Variants in RYR2 observed in about 807,000 individuals in gnomAD.
The protein encoded by RYR2 is ryanodine receptor 2, also known as cardiac muscle ryanodine receptor-calcium release channel.
In RYR2, 227 loss-of-function variants were observed where a neutral mutation model predicts 601.1. That is an observed-to-expected ratio of 0.38 (90% CI 0.34 to 0.42). The LOEUF is 0.42. RYR2 is among the 10% of genes least tolerant of loss of function. RYR2 has a pLI of 1.00. For missense variants in RYR2, 4,646 were observed against 6,156.5 expected (o/e 0.75, Z 8.21); for synonymous variants, 2,223 against 2,175.1 (o/e 1.02, Z -0.61).
At chr1:237,441,790 G>T (rs964574987) in intron 13 of RYR2, among the ~76,000 whole-genome samples, 1 of 151,988 alleles carries the variant, frequency 6.6e-6, no homozygotes, top group African/African-American at 2.4e-5. Flanking sequence ...GACAAAGTCC[G>T]TTACTGACAT....
chr1:237,560,854 A>T (rs1357660333), intron 27 of RYR2, among the ~76,000 whole-genome samples: 1 of 152,198 alleles, frequency 6.6e-6, no homozygotes, highest in Admixed American at 6.5e-5. Context: ...ACAGATAAAA[A>T]CATTGTGGAG....
intron 3 of RYR2, among the ~76,000 whole-genome samples, chr1:237,351,854 CAAAAAA>C (rs33955032): frequency 2.4e-5 from 1 of 40,930 alleles, no homozygotes; most frequent in Non-Finnish European, 4.7e-5. Context: ...AAAGACCATG[CAAAAAA>C]AAAAAAAAAA....
intron 63 of RYR2, 21 bp downstream of exon 63, chr1:237,687,525 A>G: frequency 6.3e-7 from 1 of 1,590,806 alleles, no homozygotes; most frequent in Non-Finnish European, 8.6e-7. Flanking sequence ...CCTTGAAAAA[A>G]TACAAGCATG....
chr1:237,718,564 ATTAG>A (rs1309378100), intron 73 of RYR2, 43 bp downstream of exon 73: 9 of 1,001,360 alleles, frequency 9.0e-6, no homozygotes, highest in Middle Eastern at 2.1e-4. Context: ...CTACCTATAC[ATTAG>A]TTAATCTCTC....
Position 237,792,122 on chromosome 1 carries a change from G to A in RYR2, c.13581G>A (p.Val4527=). The A allele has an allele frequency of 6.3e-7, 1 of 1,599,318 alleles. No homozygotes were observed. Among genetic ancestry groups the A allele is most frequent in the South Asian group, 1.1e-5 (1 of 88,376 alleles). The change falls in exon 94 of 105, where the codon GTG becomes GTA. Residue 4527 remains valine (V), a synonymous_variant. Coordinates refer to ENST00000366574, the MANE Select transcript of RYR2 (RefSeq NM_001035.3). ...TGAATCAGGTCTCCACTTCTTCTGT[G>A]GTTGAAGGAAAGGAGCTCCCCACGA... ...LLFYKVSTSS[V]VEGKELPTRS... is the part of the protein sequence containing the mutation.
intron 1 of RYR2, among the ~76,000 whole-genome samples, chr1:237,081,333 T>A (rs2148396261): frequency 6.9e-6 from 1 of 145,782 alleles, no homozygotes; most frequent in Middle Eastern, 3.7e-3. Context: ...AGCTACGGAC[T>A]CGATGTACCT....
intron 74 of RYR2, among the ~76,000 whole-genome samples, chr1:237,724,758 G>T (rs1180088716): frequency 5.9e-5 from 2 of 34,138 alleles, no homozygotes; most frequent in Non-Finnish European, 1.6e-4. Context: ...TAATTAAATG[G>T]CTACATTTCT....
At chr1:237,830,295 T>C (rs1663628450) in intron 102 of RYR2, 2 of 414,884 alleles carry the variant, frequency 4.8e-6, no homozygotes, top group East Asian at 9.3e-5. Context: ...ATCATCTTGT[T>C]CCCTGTCTGC....
Position 237,080,905 on chromosome 1 carries a change from A to G in RYR2, c.48+38336A>G, listed in dbSNP as rs1483150383. Among the ~76,000 whole-genome samples, 3 of 58,642 alleles carry G rather than the reference A, an allele frequency of 5.1e-5. No individual in the cohort carries two copies. In the Admixed American group the frequency reaches 6.0e-4, roughly 12 times the overall value. The allele number at this position is 58,642 out of a possible 152,430, so 38.5% of individuals were successfully genotyped here. ...CAAATGTCCAACAATGATAGACTGGATTAAGAAAATGTGGCACATATACAC... is the reference window on the plus strand; with the variant it reads ...CAAATGTCCAACAATGATAGACTGGGTTAAGAAAATGTGGCACATATACAC... On this transcript the variant is annotated intron_variant, in intron 1 of 104. Coordinates refer to ENST00000366574, the MANE Select transcript of RYR2 (RefSeq NM_001035.3).
chr1:237,048,002 G>C (rs1660796902), intron 1 of RYR2, among the ~76,000 whole-genome samples: 1 of 152,206 alleles, frequency 6.6e-6, no homozygotes, highest in South Asian at 2.1e-4. Context: ...ACCCACCGTA[G>C]ATTCGACAGC....
At chr1:237,643,267 G>A in intron 47 of RYR2, 60 bp from the exon 48 acceptor site, 2 of 1,587,580 alleles carry the variant, frequency 1.3e-6, no homozygotes, top group Admixed American at 1.7e-5. Context: ...AGATTTCCTA[G>A]ACAGAATTGT....
chr1:237,224,153 T>G (rs1403083914), intron 1 of RYR2, among the ~76,000 whole-genome samples: 2 of 152,186 alleles, frequency 1.3e-5, no homozygotes, highest in African/African-American at 4.8e-5. Context: ...ATACGTGGAA[T>G]TTTTTCAATG....
intron 36 of RYR2, 102 bp from the exon 37 acceptor site, chr1:237,613,936 CT>C (rs1237966227): frequency 9.0e-7 from 1 of 1,105,454 alleles, no homozygotes; most frequent in African/African-American, 1.6e-5. Context: ...ATTCCCATAA[CT>C]TTTTTCCTTC....
At chr1:237,567,603 AAATAAT>A (rs944302278) in intron 28 of RYR2, among the ~76,000 whole-genome samples, 1 of 152,008 alleles carries the variant, frequency 6.6e-6, no homozygotes, top group Non-Finnish European at 1.5e-5. Flanking sequence ...ACAAACAAAA[AAATAAT>A]AATAACAACA....
chr1:237,668,890 T>C (rs1429810651), intron 58 of RYR2, among the ~76,000 whole-genome samples: 1 of 152,136 alleles, frequency 6.6e-6, no homozygotes, highest in Non-Finnish European at 1.5e-5. Context: ...ATTTTTTTTA[T>C]TTTTTATTGA....
At position 237,698,985 on chromosome 1, in the gene RYR2, G is replaced by A; in HGVS notation, c.9088G>A (p.Val3030Ile). 1.9e-6 allele frequency: 3 copies of A among 1,556,628 alleles called. No homozygotes were observed. The highest frequency in any genetic ancestry group is 2.6e-6 in the Non-Finnish European group (3 of 1,146,120). The part of the protein sequence containing the change: ...SLFGNDATSI[V>I]NCLHILGQTL... ...TTTAGGCAATGATGCAACATCAATT[G>A]TCAACTGTCTTCATATTTTGGGTCA... The change falls in exon 64 of 105, where the codon GTC becomes ATC. Residue 3030 changes from valine (V) to isoleucine (I), a missense_variant. Transcript: ENST00000366574.
intron 96 of RYR2, among the ~76,000 whole-genome samples, chr1:237,795,836 G>GTGTATACATATATATA (rs371932356): frequency 1.5e-5 from 2 of 132,692 alleles, no homozygotes; most frequent in Non-Finnish European, 3.1e-5. Context: ...GTGTGTGTGT[G>GTGTATACATATATATA]TATATATATA....
chr1:237,364,934 A>G (rs972757584), intron 5 of RYR2, among the ~76,000 whole-genome samples: 112 of 152,334 alleles, frequency 7.4e-4, no homozygotes, highest in African/African-American at 2.5e-3. Flanking sequence ...TTCATTTCTC[A>G]ACTAAATTGG....
intron 1 of RYR2, among the ~76,000 whole-genome samples, chr1:237,174,097 A>C (rs2148919187): frequency 6.6e-6 from 1 of 152,264 alleles, no homozygotes; most frequent in East Asian, 1.9e-4. Flanking sequence ...ATTTAATTTA[A>C]AAGAGATTGT....
Sources: gnomAD v4.1 joint callset for allele counts (sites outside exome capture counted in the v4.1 genomes callset) on GRCh38, gnomAD v4.1.1 for gene constraint, MANE v1.5 for transcripts, NCBI Gene and HGNC (gene_info 2026-07-23, HGNC 2026-07-21) for gene names.